The following SCN3A variants were observed in gnomAD, a reference collection of about 807,000 sequenced individuals.
The protein encoded by SCN3A is sodium channel protein type 3 subunit alpha.
In SCN3A, 60 loss-of-function variants were observed where a neutral mutation model predicts 187.6. The observed-to-expected ratio is 0.32, with a 90% CI of 0.26 to 0.40. The LOEUF is 0.40. SCN3A is among the 10% of genes least tolerant of loss of function. The pLI is 1.00. For missense variants in SCN3A, 1,601 were observed against 2,428.2 expected (o/e 0.66, Z 7.16); for synonymous variants, 788 against 829.2 (o/e 0.95, Z 0.85).
At chr2:165,103,379 GT>G (rs1380099732) in intron 21 of SCN3A, among the ~76,000 whole-genome samples, 2 of 152,116 alleles carry the variant, frequency 1.3e-5, no homozygotes, top group Non-Finnish European at 2.9e-5. Context: ...TGTCTAATGT[GT>G]TTTTCACCTT....
chr2:165,185,474 A>G (rs1691173003), intron 2 of SCN3A, among the ~76,000 whole-genome samples: 1 of 152,240 alleles, frequency 6.6e-6, no homozygotes, highest in Non-Finnish European at 1.5e-5. Flanking sequence ...AAGAAAGAGA[A>G]CAAAGAGAAG....
intron 7 of SCN3A, 119 bp from the exon 8 acceptor site, chr2:165,162,947 T>C: frequency 1.7e-6 from 2 of 1,187,620 alleles, no homozygotes; most frequent in Non-Finnish European, 2.5e-6. Flanking sequence ...ACACCAAAGC[T>C]GTATGGATAG....
At chr2:165,118,689 TG>T (rs1380891837) in intron 18 of SCN3A, among the ~76,000 whole-genome samples, 3 of 152,116 alleles carry the variant, frequency 2.0e-5, no homozygotes, top group African/African-American at 7.2e-5. Flanking sequence ...CAGACGCAAC[TG>T]ATTCTCCCAT....
chr2:165,129,003 T>C (rs1687156284), intron 17 of SCN3A, among the ~76,000 whole-genome samples: 1 of 152,228 alleles, frequency 6.6e-6, no homozygotes, highest in African/African-American at 2.4e-5. Context: ...TGTTACACTA[T>C]AGGAAGACAT....
At chr2:165,162,194 G>T in intron 9 of SCN3A, 114 bp downstream of exon 9, 1 of 961,556 alleles carries the variant, frequency 1.0e-6, no homozygotes. Flanking sequence ...GAGCAGCACT[G>T]CTCTTTATTG....
chr2:165,156,986 A>G (rs1258788682), intron 9 of SCN3A, among the ~76,000 whole-genome samples: 2 of 151,910 alleles, frequency 1.3e-5, no homozygotes, highest in African/African-American at 4.8e-5. Flanking sequence ...TCTCGGCTCA[A>G]TGCAAGCTCC....
At position 165,203,851 on chromosome 2, in the gene SCN3A, G is replaced by T. The variant is rs1004977330; in HGVS notation, c.-276C>A. The T allele has an allele frequency of 2.7e-5, 4 of 148,720 alleles. No homozygotes were observed. The highest frequency in any genetic ancestry group is 9.9e-5 in the African/African-American group (4 of 40,432). 9.2% of individuals were successfully genotyped at this position (148,720 alleles called of 1,614,324 possible). The stretch of plus-strand genomic sequence containing the variant: ...ATAAAACAGAGCCTTATGAATTACA[G>T]CATAACAAAGCCCAGCATCCAAGAT... On this transcript the variant is annotated 5_prime_UTR_variant, in exon 1 of 28. It adds an upstream start codon to the 5' untranslated region. Transcript: ENST00000283254.
chr2:165,115,848 A>G (rs551135960), intron 18 of SCN3A, among the ~76,000 whole-genome samples: 4 of 152,324 alleles, frequency 2.6e-5, no homozygotes, highest in Admixed American at 6.5e-5. Flanking sequence ...TTGTTTAATG[A>G]TCTGCATTTG....
At chr2:165,168,926 T>C (rs955598152) in intron 4 of SCN3A, 101 bp from the exon 5 acceptor site, 9 of 764,056 alleles carry the variant, frequency 1.2e-5, no homozygotes, top group Non-Finnish European at 2.0e-5. Flanking sequence ...ACTGTGAAAT[T>C]AATATTATTT....
Position 165,088,115 on chromosome 2 carries a change from A to G in SCN3A, c.*2035T>C, listed in dbSNP as rs529196607. On this transcript the variant is annotated 3_prime_UTR_variant, in exon 28 of 28. Coordinates refer to ENST00000283254, the MANE Select transcript of SCN3A (RefSeq NM_006922.4). ...GCCAACAGCAAAAAACAAAAACAAA[A>G]AACCCCAGAGGCCAATAAGTGAAAT... 98 of 152,530 alleles carry G rather than the reference A, an allele frequency of 6.4e-4. No homozygotes were observed. The highest frequency in any genetic ancestry group is 1.0e-3 in the Non-Finnish European group (69 of 67,968). The allele number at this position is 152,530 out of a possible 1,614,324, so 9.4% of individuals were successfully genotyped here.
At chr2:165,181,739 G>A (rs1559270263) in intron 2 of SCN3A, among the ~76,000 whole-genome samples, 3 of 152,078 alleles carry the variant, frequency 2.0e-5, no homozygotes, top group Admixed American at 6.6e-5. Context: ...AGTGAAAGTG[G>A]TGTTCCATGA....
intron 9 of SCN3A, among the ~76,000 whole-genome samples, chr2:165,160,475 A>T (rs1689293929): frequency 1.3e-5 from 2 of 152,178 alleles, no homozygotes; most frequent in Admixed American, 1.3e-4. Flanking sequence ...ATAGGAATTC[A>T]TTAAGGGGAA....
rs1426994903 is a variant in SCN3A at position 165,089,725 on chromosome 2, TG to T, written c.*424del. 6.1e-6 allele frequency: 1 copy of T among 164,426 alleles called. No homozygotes were observed. Among genetic ancestry groups the T allele is most frequent in the Non-Finnish European group, 1.3e-5 (1 of 74,944 alleles). The allele number at this position is 164,426 out of a possible 1,614,324, so 10.2% of individuals were successfully genotyped here. A position where few individuals can be genotyped will look rare whatever the true frequency, so the allele number is the denominator to read the frequency against. ...ACGTAAACCTCATTTACAAAAATAG[TG>T]ACATAGCATTATGAATAAACTATGA... On this transcript the variant is annotated 3_prime_UTR_variant, in exon 28 of 28. Transcript: ENST00000283254.
chr2:165,124,819 A>G (rs1398626672), intron 18 of SCN3A, among the ~76,000 whole-genome samples: 1 of 152,134 alleles, frequency 6.6e-6, no homozygotes, highest in Non-Finnish European at 1.5e-5. Flanking sequence ...TGAGAATTTT[A>G]TCACCTCATT....
chr2:165,201,790 A>G (rs1296680112), intron 1 of SCN3A, among the ~76,000 whole-genome samples: 1 of 152,058 alleles, frequency 6.6e-6, no homozygotes, highest in African/African-American at 2.4e-5. Flanking sequence ...TAGCACATCA[A>G]TCATAATTTA....
intron 12 of SCN3A, among the ~76,000 whole-genome samples, chr2:165,141,290 G>T (rs982151111): frequency 6.6e-6 from 1 of 152,110 alleles, no homozygotes; most frequent in Middle Eastern, 3.2e-3. Flanking sequence ...AATGCTATAG[G>T]TTAGGGACCA....
intron 12 of SCN3A, among the ~76,000 whole-genome samples, chr2:165,145,736 T>C (rs1024602861): frequency 4.6e-5 from 7 of 152,024 alleles, no homozygotes; most frequent in Non-Finnish European, 1.0e-4. Flanking sequence ...CCTTGGTTGA[T>C]TTGCAGTTTT....
rs748972123 is a variant in SCN3A, at chr2:165,091,361, A to AACAC, written c.4808-20_4808-17dup. The AACAC allele has an allele frequency of 4.3e-6, 7 of 1,613,676 alleles. No homozygotes were observed. The highest frequency in any genetic ancestry group is 1.3e-5 in the African/African-American group (1 of 75,038). ...AGAAACATACCTATGGAAAACATAG[A>AACAC]ACACAGCTAAACAGATAATATCTTT... On this transcript the variant is annotated splice_polypyrimidine_tract_variant and intron_variant, in intron 27 of 27. Transcript: ENST00000283254.
chr2:165,103,167 T>C (rs769661205), intron 21 of SCN3A, among the ~76,000 whole-genome samples: 26 of 152,214 alleles, frequency 1.7e-4, no homozygotes, highest in Non-Finnish European at 3.2e-4. Context: ...CTATTATAAG[T>C]GGAGATAGCT....
Sources: allele counts gnomAD v4.1 joint callset (sites outside exome capture counted in the v4.1 genomes callset), GRCh38; gene constraint gnomAD v4.1.1; transcripts MANE v1.5; gene names NCBI Gene and HGNC (gene_info 2026-07-23, HGNC 2026-07-21).